Variants in CNMD observed in about 807,000 individuals in gnomAD.
CNMD encodes the protein leukocyte cell-derived chemotaxin 1.
CNMD carries 30 observed loss-of-function variants against 37.5 expected under a neutral mutation model. The ratio of observed to expected loss-of-function variants is 0.80; its 90% CI spans 0.60 to 1.09. The LOEUF is 1.09. Among genes scored for constraint, CNMD ranks in the 50% least tolerant of loss-of-function variants. CNMD has a pLI of 0.00. For synonymous variants in CNMD, 167 were observed against 148.2 expected, an observed-to-expected ratio of 1.13 and a Z score of -0.92; for missense variants, 398 against 423.9, an observed-to-expected ratio of 0.94 and a Z score of 0.54.
intron 3 of CNMD, among the ~76,000 whole-genome samples, chr13:52,727,587 A>G (rs891034923): frequency 4.6e-5 from 7 of 152,288 alleles, no homozygotes; most frequent in African/African-American, 1.7e-4. Context: ...GTATATATAT[A>G]TATATCCACA....
intron 4 of CNMD, among the ~76,000 whole-genome samples, chr13:52,718,947 T>C (rs747258380): frequency 2.0e-5 from 3 of 152,118 alleles, no homozygotes; most frequent in Admixed American, 6.6e-5. Context: ...CCCACTATTA[T>C]TATGTGGGAG....
At chr13:52,738,451 T>C (rs1964811916) in intron 2 of CNMD, among the ~76,000 whole-genome samples, 1 of 152,248 alleles carries the variant, frequency 6.6e-6, no homozygotes, top group Non-Finnish European at 1.5e-5. Flanking sequence ...AAAGAGATTT[T>C]CCACCTTTAA....
rs745325928 is a variant in CNMD, at chr13:52,703,728, G to A, written c.872C>T (p.Thr291Ile). Residue 291 changes from threonine (T) to isoleucine (I), a missense_variant, in exon 7 of 7, where the codon ACC becomes ATC. Transcript: ENST00000377962. ...ICCIECRRSYTHCQKICEPLG... is the reference protein window; with the variant it reads ...ICCIECRRSYIHCQKICEPLG... ...GGGTTCACAGATCTTCTGGCAGTGG[G>A]TGTAGCTCCGCCTACATTCTATACA... The A allele has an allele frequency of 1.5e-5, 24 of 1,613,986 alleles. No individual in the cohort carries two copies. The highest frequency in any genetic ancestry group is 1.9e-5 in the Non-Finnish European group (22 of 1,179,958).
chr13:52,708,326 C>T (rs1364667589), intron 6 of CNMD, among the ~76,000 whole-genome samples: 3 of 151,862 alleles, frequency 2.0e-5, no homozygotes, highest in Non-Finnish European at 4.4e-5. Context: ...GGATTACAGG[C>T]GTGTGCCACC....
At chr13:52,707,082 C>T (rs561268762) in intron 6 of CNMD, among the ~76,000 whole-genome samples, 6 of 151,982 alleles carry the variant, frequency 3.9e-5, no homozygotes, top group African/African-American at 1.2e-4. Flanking sequence ...TTAGTAGAGA[C>T]GGGGTTTTAC....
At chr13:52,725,055 T>C (rs946768972) in intron 3 of CNMD, among the ~76,000 whole-genome samples, 1 of 152,158 alleles carries the variant, frequency 6.6e-6, no homozygotes, top group Non-Finnish European at 1.5e-5. Flanking sequence ...GGACAGAATA[T>C]GTTAGTTATT....
chr13:52,712,342 G>A (rs942570129), intron 5 of CNMD, among the ~76,000 whole-genome samples: 11 of 152,290 alleles, frequency 7.2e-5, no homozygotes, highest in African/African-American at 2.6e-4. Flanking sequence ...TCGGCGGTAT[G>A]ACAGTTTCTT....
In CNMD at chr13:52,737,347, C is replaced by T. The variant is rs149323711; in HGVS notation, c.213+1684G>A. 3.7e-3 allele frequency among the ~76,000 whole-genome samples: 567 copies of T among 152,216 alleles called. 2 individuals carry two copies. Among genetic ancestry groups the T allele is most frequent in the African/African-American group, 0.012 (510 of 41,526 alleles). ...AACTATCATGATTTTCTTCATTCTCCTGTCTGTATAGGATATAGCAATAAT... is the reference window on the plus strand; with the variant it reads ...AACTATCATGATTTTCTTCATTCTCTTGTCTGTATAGGATATAGCAATAAT... On this transcript the variant is annotated intron_variant, in intron 2 of 6. Coordinates refer to ENST00000377962, the MANE Select transcript of CNMD (RefSeq NM_007015.3).
At chr13:52,707,075 G>A (rs1188140945) in intron 6 of CNMD, among the ~76,000 whole-genome samples, 1 of 151,990 alleles carries the variant, frequency 6.6e-6, no homozygotes, top group Non-Finnish European at 1.5e-5. Flanking sequence ...TGTATTTTTA[G>A]TAGAGACGGG....
intron 4 of CNMD, among the ~76,000 whole-genome samples, chr13:52,721,265 C>A (rs1964477848): frequency 6.6e-6 from 1 of 152,182 alleles, no homozygotes; most frequent in Non-Finnish European, 1.5e-5. Flanking sequence ...CTGAGCTAGA[C>A]CACTTGGCTC....
chr13:52,738,108 A>G (rs912087868), intron 2 of CNMD, among the ~76,000 whole-genome samples: 3 of 152,246 alleles, frequency 2.0e-5, no homozygotes, highest in African/African-American at 7.2e-5. Flanking sequence ...AGAGGAAAAA[A>G]CAGCAATCAC....
chr13:52,730,594 T>C (rs538908973), intron 3 of CNMD, among the ~76,000 whole-genome samples: 16 of 152,222 alleles, frequency 1.1e-4, no homozygotes, highest in African/African-American at 3.9e-4. Context: ...CATTTTTTCA[T>C]GTGTTTTTTG....
At chr13:52,715,755 T>C (rs932612619) in intron 4 of CNMD, among the ~76,000 whole-genome samples, 4 of 152,242 alleles carry the variant, frequency 2.6e-5, no homozygotes, top group Admixed American at 1.3e-4. Context: ...CTATCATTGA[T>C]GGGCATTTGG....
intron 6 of CNMD, among the ~76,000 whole-genome samples, chr13:52,704,577 T>C (rs1964144250): frequency 6.6e-6 from 1 of 152,136 alleles, no homozygotes. Context: ...ACATATTTGG[T>C]TTTCCTTTTT....
chr13:52,724,468 G>C (rs866976855), intron 3 of CNMD, among the ~76,000 whole-genome samples: 3 of 150,570 alleles, frequency 2.0e-5, no homozygotes, highest in South Asian at 2.1e-4. Flanking sequence ...GCGGGCGCCT[G>C]TAGTCCCAGC....
At chr13:52,724,852 G>A (rs1357036312) in intron 3 of CNMD, among the ~76,000 whole-genome samples, 1 of 152,140 alleles carries the variant, frequency 6.6e-6, no homozygotes, top group Non-Finnish European at 1.5e-5. Flanking sequence ...AGCCAAGATC[G>A]CCACTGCACT....
intron 6 of CNMD, among the ~76,000 whole-genome samples, chr13:52,704,514 G>T (rs534766899): frequency 6.4e-4 from 98 of 152,048 alleles, no homozygotes; most frequent in Non-Finnish European, 1.1e-3. Flanking sequence ...TTTCACTGCT[G>T]GTGAGATTAC....
At chr13:52,714,423 A>G (rs951385578) in intron 4 of CNMD, among the ~76,000 whole-genome samples, 3 of 152,204 alleles carry the variant, frequency 2.0e-5, no homozygotes, top group Non-Finnish European at 2.9e-5. Context: ...GTTTTTGTCC[A>G]CTAGAGGATC....
chr13:52,715,598 C>T (rs1964363943), intron 4 of CNMD, among the ~76,000 whole-genome samples: 1 of 152,190 alleles, frequency 6.6e-6, no homozygotes, highest in Non-Finnish European at 1.5e-5. Context: ...TGAGAACATG[C>T]AGTGTCTGGT....
Sources: gnomAD v4.1 joint callset for allele counts (sites outside exome capture counted in the v4.1 genomes callset) on GRCh38, gnomAD v4.1.1 for gene constraint, MANE v1.5 for transcripts, NCBI Gene and HGNC (gene_info 2026-07-23, HGNC 2026-07-21) for gene names.